The following CDH12 variants were observed in gnomAD, a reference collection of about 807,000 sequenced individuals.
CDH12 encodes the protein cadherin-12.
CDH12 carries 41 observed loss-of-function variants against 74.1 expected under a neutral mutation model. That is an observed-to-expected ratio of 0.55 (90% CI 0.43 to 0.72). The LOEUF (loss-of-function observed/expected upper bound fraction) is 0.72, where lower values mean the gene tolerates loss of function less well. Among genes scored for constraint, CDH12 ranks in the 30% least tolerant of loss-of-function variants. The pLI, the probability that CDH12 is intolerant of heterozygous loss-of-function variation, is 0.00. For missense variants in CDH12, 945 were observed against 977.2 expected, an observed-to-expected ratio of 0.97 and a Z score of 0.44; for synonymous variants, 399 against 355.0, an observed-to-expected ratio of 1.12 and a Z score of -1.39.
intron 3 of CDH12, among the ~76,000 whole-genome samples, chr5:22,281,456 G>T (rs557238399): frequency 6.6e-6 from 1 of 152,108 alleles, no homozygotes; most frequent in South Asian, 2.1e-4. Flanking sequence ...CAGATGACAT[G>T]GTTTTATGCT....
At chr5:21,880,648 TTTCTTTCTTTC>T (rs1752279677) in intron 6 of CDH12, among the ~76,000 whole-genome samples, 1 of 127,706 alleles carries the variant, frequency 7.8e-6, no homozygotes, top group African/African-American at 2.9e-5. Flanking sequence ...TCTTTCTTTC[TTTCTTTCTTTC>T]TTTCTTTCTT....
chr5:22,465,317 T>C (rs1284420679), intron 2 of CDH12, among the ~76,000 whole-genome samples: 3 of 152,146 alleles, frequency 2.0e-5, no homozygotes, highest in East Asian at 3.9e-4. Context: ...CTCAAAAGTA[T>C]ACTCTGTGTT....
chr5:22,822,136 A>G (rs1393385495), intron 1 of CDH12, among the ~76,000 whole-genome samples: 1 of 152,100 alleles, frequency 6.6e-6, no homozygotes, highest in Admixed American at 6.5e-5. Context: ...TGGGGAAAGG[A>G]TTCCCTATTT....
chr5:22,692,237 A>G (rs1439535063), intron 1 of CDH12, among the ~76,000 whole-genome samples: 2 of 152,174 alleles, frequency 1.3e-5, no homozygotes, highest in East Asian at 3.9e-4. Context: ...GGGGCCCTTA[A>G]CAGATGCAGA....
At chr5:22,048,608 T>C (rs1326044664) in intron 5 of CDH12, among the ~76,000 whole-genome samples, 1 of 151,998 alleles carries the variant, frequency 6.6e-6, no homozygotes, top group Non-Finnish European at 1.5e-5. Flanking sequence ...AAATATTAAG[T>C]TGCTAAAATA....
At chr5:22,791,148 A>G (rs1194805384) in intron 1 of CDH12, among the ~76,000 whole-genome samples, 1 of 152,192 alleles carries the variant, frequency 6.6e-6, no homozygotes, top group Admixed American at 6.5e-5. Flanking sequence ...GAAACAATAT[A>G]TATCAATTAC....
intron 1 of CDH12, among the ~76,000 whole-genome samples, chr5:22,634,221 AACAAG>A (rs1161784293): frequency 6.6e-6 from 1 of 152,148 alleles, no homozygotes; most frequent in Non-Finnish European, 1.5e-5. Context: ...TATAAATAGC[AACAAG>A]ACAAAAGTAA....
At chr5:22,641,760 G>C (rs907494047) in intron 1 of CDH12, among the ~76,000 whole-genome samples, 2 of 152,108 alleles carry the variant, frequency 1.3e-5, no homozygotes, top group Non-Finnish European at 2.9e-5. Flanking sequence ...ATACTAAAAA[G>C]ATATCTTAAA....
intron 4 of CDH12, among the ~76,000 whole-genome samples, chr5:22,089,538 T>C (rs1356419699): frequency 6.6e-6 from 1 of 152,188 alleles, no homozygotes; most frequent in Admixed American, 6.5e-5. Context: ...AAAAAGATAA[T>C]TTACTTTTTA....
At chr5:22,594,747 G>A (rs528164966) in intron 1 of CDH12, among the ~76,000 whole-genome samples, 61 of 152,238 alleles carry the variant, frequency 4.0e-4, no homozygotes, top group Admixed American at 1.4e-3. Flanking sequence ...TTATGGGGAC[G>A]AAATGATTTG....
intron 3 of CDH12, among the ~76,000 whole-genome samples, chr5:22,392,249 T>A (rs1052609271): frequency 1.3e-5 from 2 of 152,088 alleles, no homozygotes; most frequent in African/African-American, 4.8e-5. Flanking sequence ...TGTTGAGAAG[T>A]TTGAAGTTGT....
chr5:22,771,575 A>T (rs1746807465), intron 1 of CDH12, among the ~76,000 whole-genome samples: 1 of 152,096 alleles, frequency 6.6e-6, no homozygotes, highest in South Asian at 2.1e-4. Context: ...TTATTCCTTT[A>T]GTCTCTATTC....
intron 6 of CDH12, among the ~76,000 whole-genome samples, chr5:21,879,182 T>A (rs1388888214): frequency 6.6e-6 from 1 of 152,184 alleles, no homozygotes; most frequent in Non-Finnish European, 1.5e-5. Context: ...ACTTGCATGT[T>A]CACACTATAA....
In CDH12 at chr5:21,842,257, TG is replaced by T; in HGVS notation, c.717del (p.Lys240ArgfsTer10). On this transcript the variant is annotated frameshift_variant, in exon 8 of 15. Transcript: ENST00000382254. LOFTEE classifies it high-confidence loss of function. The part of the protein sequence containing the change: ...VKEQYQVLIQ[A>X]KDMGGQLGGL... ...CCTCCAAGCTGTCCTCCCATATCCT[TG>T]GCTTGGATGAGTACTTGATATTGTT... is the stretch of plus-strand genomic sequence containing the variant. 6.2e-7 allele frequency: 1 copy of T among 1,613,300 alleles called. No individual in the cohort carries two copies. Among genetic ancestry groups the T allele is most frequent in the Non-Finnish European group, 8.5e-7 (1 of 1,179,398 alleles).
Position 22,743,582 on chromosome 5 carries a change from A to C in CDH12, c.-523+109476T>G, listed in dbSNP as rs147630468. Among the ~76,000 whole-genome samples the C allele has an allele frequency of 1.3e-5, 2 of 152,114 alleles. 1 individual carries two copies. The highest frequency in any genetic ancestry group is 2.9e-5 in the Non-Finnish European group (2 of 68,016). ...GTACAGGTGAATATTTTTGGAAGAC[A>C]AATTACTAAAGGTCATTATACATGA... On this transcript the variant is annotated intron_variant, in intron 1 of 14. Coordinates refer to ENST00000382254, the MANE Select transcript of CDH12 (RefSeq NM_004061.5).
At chr5:22,752,545 CTTTTTTTTT>C (rs1159388186) in intron 1 of CDH12, among the ~76,000 whole-genome samples, 38 of 65,750 alleles carry the variant, frequency 5.8e-4, no homozygotes, top group African/African-American at 1.7e-3. Context: ...TAGGATACTT[CTTTTTTTTT>C]TTTTTTTTTT....
chr5:22,725,316 C>A (rs1056792517), intron 1 of CDH12, among the ~76,000 whole-genome samples: 6 of 151,792 alleles, frequency 4.0e-5, no homozygotes, highest in Admixed American at 3.9e-4. Flanking sequence ...ATAATATATA[C>A]AATGGATGAG....
chr5:22,671,606 A>C (rs1205923496), intron 1 of CDH12, among the ~76,000 whole-genome samples: 1 of 152,106 alleles, frequency 6.6e-6, no homozygotes, highest in African/African-American at 2.4e-5. Context: ...AATTGCTGGA[A>C]CAAGTGGTTC....
At chr5:22,480,321 G>A (rs1911955) in intron 2 of CDH12, among the ~76,000 whole-genome samples, 142,820 of 151,846 alleles carry the variant, frequency 0.94, 67,255 homozygotes, top group Admixed American at 0.97. Context: ...GGTGGCTCAC[G>A]CCTGTAATCC....
Sources: gnomAD v4.1 joint callset for allele counts (sites outside exome capture counted in the v4.1 genomes callset) on GRCh38, gnomAD v4.1.1 for gene constraint, MANE v1.5 for transcripts, NCBI Gene and HGNC (gene_info 2026-07-23, HGNC 2026-07-21) for gene names.